Variants in FLVCR1 observed in about 807,000 individuals in gnomAD.
The protein encoded by FLVCR1 is choline/ethanolamine transporter FLVCR1.
In FLVCR1, 34 loss-of-function variants were observed where a neutral mutation model predicts 53.6. That is an observed-to-expected ratio of 0.63 (90% CI 0.48 to 0.84). The LOEUF (loss-of-function observed/expected upper bound fraction) is 0.84, where lower values mean the gene tolerates loss of function less well. FLVCR1 is among the 40% of genes least tolerant of loss of function. The pLI is 0.00. For synonymous variants in FLVCR1, 300 were observed against 286.3 expected (o/e 1.05, Z -0.48); for missense variants, 677 against 696.7 (o/e 0.97, Z 0.32).
intron 2 of FLVCR1, among the ~76,000 whole-genome samples, chr1:212,864,973 A>C (rs1352838917): frequency 2.0e-5 from 3 of 152,182 alleles, no homozygotes; most frequent in Admixed American, 6.5e-5. Context: ...GAAGTATTCA[A>C]ACATGTGTAA....
At position 212,858,938 on chromosome 1, in the gene FLVCR1, C is replaced by T. The variant is rs764180645; in HGVS notation, c.486C>T (p.Phe162=). ...TGCTGGCCTACGTGCCCCTCATCTT[C>T]CCGGCCACCTGGCTGCTGGACACCA... ...VYMLAYVPLI[F]PATWLLDTRG... The change falls in exon 1 of 10, where the codon TTC becomes TTT. Residue 162 remains phenylalanine, a synonymous_variant. Transcript: ENST00000366971. 3 of 1,614,124 alleles carry T rather than the reference C, an allele frequency of 1.9e-6. No individual in the cohort carries two copies. Among genetic ancestry groups the T allele is most frequent in the African/African-American group, 1.3e-5 (1 of 74,948 alleles).
At chr1:212,890,771 CT>C (rs1158064669) in intron 8 of FLVCR1, among the ~76,000 whole-genome samples, 1 of 152,174 alleles carries the variant, frequency 6.6e-6, no homozygotes, top group Non-Finnish European at 1.5e-5. Flanking sequence ...AGAATTTCTT[CT>C]ACTGTTTGTG....
At chr1:212,869,067 T>A (rs192280748) in intron 2 of FLVCR1, among the ~76,000 whole-genome samples, 14 of 152,310 alleles carry the variant, frequency 9.2e-5, no homozygotes, top group African/African-American at 3.1e-4. Flanking sequence ...AACGAAATTT[T>A]AAAAATGTTA....
At chr1:212,884,128 T>C (rs1481259155) in intron 4 of FLVCR1, among the ~76,000 whole-genome samples, 1 of 152,084 alleles carries the variant, frequency 6.6e-6, no homozygotes, top group Non-Finnish European at 1.5e-5. Context: ...GGAGAAACCC[T>C]GTCTCTACCA....
At chr1:212,875,536 T>C (rs1664727859) in intron 3 of FLVCR1, among the ~76,000 whole-genome samples, 1 of 152,128 alleles carries the variant, frequency 6.6e-6, no homozygotes, top group Admixed American at 6.5e-5. Context: ...GTGTCTTTGA[T>C]ACCACATCAC....
intron 7 of FLVCR1, 126 bp from the exon 8 acceptor site, chr1:212,889,020 A>G: frequency 1.3e-6 from 1 of 756,296 alleles, no homozygotes; most frequent in Non-Finnish European, 2.2e-6. Flanking sequence ...TAACAATTCA[A>G]CTTTTCAATG....
At chr1:212,888,048 T>TTCCTG in intron 6 of FLVCR1, 47 bp downstream of exon 6, 1 of 1,087,960 alleles carries the variant, frequency 9.2e-7, no homozygotes, top group Non-Finnish European at 1.4e-6. Flanking sequence ...GCTGTTATAA[T>TTCCTG]TCTGAAGTAT....
chr1:212,867,139 G>T (rs1483696402), intron 2 of FLVCR1, among the ~76,000 whole-genome samples: 3 of 152,192 alleles, frequency 2.0e-5, no homozygotes, highest in Non-Finnish European at 2.9e-5. Context: ...GTACTAAATT[G>T]ATACTCAGCA....
rs567270153 is a variant in FLVCR1 at position 212,860,350 on chromosome 1, G to GTTTTTTT, written c.738+1172_738+1178dup. ...TATTATAAAGTTTTTTGTGTGTGTG[G>GTTTTTTT]TTTTTTTTTTTTTTTTTTGTAGAAA... is the stretch of plus-strand genomic sequence containing the variant. On this transcript the variant is annotated intron_variant, in intron 1 of 9. Coordinates refer to ENST00000366971, the MANE Select transcript of FLVCR1 (RefSeq NM_014053.4). Among the ~76,000 whole-genome samples, 100 of 85,834 alleles carry GTTTTTTT rather than the reference G, an allele frequency of 1.2e-3. 17 individuals carry two copies. The highest frequency in any genetic ancestry group is 1.5e-3 in the South Asian group (3 of 1,964). 56.3% of individuals were successfully genotyped at this position (85,834 alleles called of 152,430 possible). A position where few individuals can be genotyped will look rare whatever the true frequency, so the allele number is the denominator to read the frequency against.
intron 1 of FLVCR1, among the ~76,000 whole-genome samples, chr1:212,861,633 A>C (rs1437128567): frequency 6.7e-6 from 1 of 149,860 alleles, no homozygotes; most frequent in Non-Finnish European, 1.5e-5. Flanking sequence ...ATTACCAGTT[A>C]TATTCTTTCT....
At position 212,864,003 on chromosome 1, in the gene FLVCR1, T is replaced by C. The variant is rs542114310; in HGVS notation, c.883+134T>C. 57 of 755,640 alleles carry C rather than the reference T, an allele frequency of 7.5e-5. 1 individual carries two copies. The South Asian group carries it at 8.4e-4, about 11-fold the overall frequency. 46.8% of individuals were successfully genotyped at this position (755,640 alleles called of 1,614,324 possible). A position where few individuals can be genotyped will look rare whatever the true frequency, so the allele number is the denominator to read the frequency against. Reference sequence around the variant, plus strand: ...TTCATTCTTCCATGCCCTGTCTTGCTCAGGTAATGAATGCTACAACCCTAG... The same window carrying C: ...TTCATTCTTCCATGCCCTGTCTTGCCCAGGTAATGAATGCTACAACCCTAG... On this transcript the variant is annotated intron_variant, in intron 2 of 9. Transcript: ENST00000366971.
chr1:212,876,391 T>C (rs1319892969), intron 3 of FLVCR1, among the ~76,000 whole-genome samples: 3 of 150,638 alleles, frequency 2.0e-5, no homozygotes, highest in Non-Finnish European at 4.4e-5. Context: ...TTTTTTGAGA[T>C]GGAGTTTCAC....
chr1:212,859,767 G>C (rs896159798), intron 1 of FLVCR1, among the ~76,000 whole-genome samples: 19 of 150,776 alleles, frequency 1.3e-4, no homozygotes, highest in Admixed American at 2.0e-4. Flanking sequence ...ATAATTAACT[G>C]TATTGGCTTG....
intron 7 of FLVCR1, 48 bp downstream of exon 7, chr1:212,888,642 T>G: frequency 2.4e-6 from 3 of 1,228,336 alleles, no homozygotes; most frequent in Non-Finnish European, 3.6e-6. Flanking sequence ...ATACCAGATA[T>G]TCTAGTGAGT....
intron 3 of FLVCR1, among the ~76,000 whole-genome samples, chr1:212,877,350 C>G (rs1400970809): frequency 4.6e-5 from 7 of 151,938 alleles, no homozygotes; most frequent in Non-Finnish European, 8.8e-5. Context: ...GTAGCTGGGA[C>G]TACAGGCACC....
chr1:212,881,206 A>T (rs1664916573), intron 3 of FLVCR1, among the ~76,000 whole-genome samples: 1 of 152,108 alleles, frequency 6.6e-6, no homozygotes, highest in Non-Finnish European at 1.5e-5. Flanking sequence ...ATAAAAATGA[A>T]TTATAGTAGA....
Position 212,863,788 on chromosome 1 carries a change from A to T in FLVCR1, c.802A>T (p.Asn268Tyr). The T allele has an allele frequency of 6.2e-7, 1 of 1,613,996 alleles. No homozygotes were observed. Among genetic ancestry groups the T allele is most frequent in the Non-Finnish European group, 8.5e-7 (1 of 1,179,894 alleles). The part of the protein sequence containing the change: ...VLVPNTQNDT[N>Y]LLACNISTMF... ...AGTACCCAACACACAGAATGACACA[A>T]ATCTCCTGGCTTGTAATATCAGCAC... Residue 268 changes from asparagine (N) to tyrosine (Y), a missense_variant, in exon 2 of 10, where the codon AAT (asparagine) becomes TAT (tyrosine). Coordinates refer to ENST00000366971, the MANE Select transcript of FLVCR1 (RefSeq NM_014053.4).
intron 8 of FLVCR1, 29 bp from the exon 9 acceptor site, chr1:212,894,957 T>G (rs754780138): frequency 6.6e-7 from 1 of 1,510,210 alleles, no homozygotes. Context: ...CATAACAGTT[T>G]ATAGTAACTT....
chr1:212,884,826 G>T (rs1042201167), intron 4 of FLVCR1, among the ~76,000 whole-genome samples: 5 of 152,190 alleles, frequency 3.3e-5, no homozygotes, highest in Non-Finnish European at 7.3e-5. Flanking sequence ...TGTATAACAT[G>T]TTATGCTACT....
Sources: gnomAD v4.1 joint callset for allele counts (sites outside exome capture counted in the v4.1 genomes callset) on GRCh38, gnomAD v4.1.1 for gene constraint, MANE v1.5 for transcripts, NCBI Gene and HGNC (gene_info 2026-07-23, HGNC 2026-07-21) for gene names.